Variants in ADARB2 observed in about 807,000 individuals in gnomAD.
ADARB2 encodes inactive double-stranded RNA-specific editase B2.
Under a neutral mutation model 62.2 loss-of-function variants are expected in ADARB2, and 25 were observed. The observed-to-expected ratio is 0.40, with a 90% CI of 0.29 to 0.56. The LOEUF is 0.56. Ranked by LOEUF, ADARB2 falls within the 20% of genes least tolerant of loss-of-function variation. ADARB2 has a pLI of 0.43. For missense variants in ADARB2, 1,071 were observed against 1,077.4 expected (o/e 0.99, Z 0.08); for synonymous variants, 572 against 500.8 (o/e 1.14, Z -1.90).
chr10:1,553,208 G>A (rs1832653397), intron 1 of ADARB2, among the ~76,000 whole-genome samples: 1 of 152,214 alleles, frequency 6.6e-6, no homozygotes, highest in Non-Finnish European at 1.5e-5. Context: ...CACTGTGCTG[G>A]TACAATATAT....
chr10:1,187,114 C>T (rs1233638970), intron 8 of ADARB2, among the ~76,000 whole-genome samples: 20 of 152,248 alleles, frequency 1.3e-4, no homozygotes, highest in Admixed American at 1.3e-3. Flanking sequence ...ATGTGGGACA[C>T]CCAAGCGAAT....
chr10:1,608,716 GA>G (rs1406106496), intron 1 of ADARB2, among the ~76,000 whole-genome samples: 1 of 145,314 alleles, frequency 6.9e-6, no homozygotes, highest in Non-Finnish European at 1.5e-5. Flanking sequence ...AGGAAGGAAG[GA>G]AAGAAAAAAG....
intron 1 of ADARB2, among the ~76,000 whole-genome samples, chr10:1,709,112 C>T (rs920566636): frequency 6.6e-6 from 1 of 152,208 alleles, no homozygotes; most frequent in African/African-American, 2.4e-5. Flanking sequence ...ATTTCCTGCT[C>T]TAGTGCTGAA....
chr10:1,281,810 CT>C, intron 3 of ADARB2, among the ~76,000 whole-genome samples: 1 of 152,312 alleles, frequency 6.6e-6, no homozygotes, highest in South Asian at 2.1e-4. Context: ...CTCTATAATC[CT>C]TTTTTCTTTA....
At chr10:1,569,353 G>A (rs929211186) in intron 1 of ADARB2, among the ~76,000 whole-genome samples, 6 of 152,186 alleles carry the variant, frequency 3.9e-5, no homozygotes, top group African/African-American at 9.7e-5. Flanking sequence ...CTTGCCCATC[G>A]TGTGGCACCA....
At chr10:1,650,264 G>A (rs1834093524) in intron 1 of ADARB2, among the ~76,000 whole-genome samples, 1 of 152,212 alleles carries the variant, frequency 6.6e-6, no homozygotes. Context: ...AGTGTTTCTA[G>A]AAGCTACTTA....
chr10:1,354,738 G>T (rs1832177359), intron 3 of ADARB2, among the ~76,000 whole-genome samples: 1 of 152,198 alleles, frequency 6.6e-6, no homozygotes, highest in Non-Finnish European at 1.5e-5. Context: ...CCTTTCTCTG[G>T]TTCATTTAAA....
At chr10:1,343,239 T>C (rs766588919) in intron 3 of ADARB2, among the ~76,000 whole-genome samples, 5 of 152,194 alleles carry the variant, frequency 3.3e-5, no homozygotes, top group Non-Finnish European at 5.9e-5. Context: ...AAGACATCCA[T>C]GCAGTCAATA....
intron 1 of ADARB2, among the ~76,000 whole-genome samples, chr10:1,716,216 C>G (rs997206456): frequency 1.3e-5 from 2 of 152,190 alleles, no homozygotes; most frequent in South Asian, 4.1e-4. Context: ...CTGCTGAGCT[C>G]CAAAAACACA....
At chr10:1,654,340 C>T (rs1834149479) in intron 1 of ADARB2, among the ~76,000 whole-genome samples, 1 of 152,214 alleles carries the variant, frequency 6.6e-6, no homozygotes, top group Non-Finnish European at 1.5e-5. Flanking sequence ...CCCAAGGCTG[C>T]AGTGTGAGGG....
chr10:1,294,596 G>A (rs1380940336), intron 3 of ADARB2, among the ~76,000 whole-genome samples: 1 of 152,180 alleles, frequency 6.6e-6, no homozygotes, highest in African/African-American at 2.4e-5. Flanking sequence ...CTCCGGCTCT[G>A]ACATGACTGT....
intron 3 of ADARB2, among the ~76,000 whole-genome samples, chr10:1,319,175 C>T (rs963299222): frequency 1.3e-5 from 2 of 152,108 alleles, no homozygotes; most frequent in African/African-American, 4.8e-5. Flanking sequence ...CACAGAGATA[C>T]AGCATATAGT....
intron 1 of ADARB2, among the ~76,000 whole-genome samples, chr10:1,399,546 C>T (rs935137451): frequency 1.3e-5 from 2 of 152,040 alleles, no homozygotes; most frequent in African/African-American, 4.8e-5. Context: ...GCCTGGGGTC[C>T]CTCTGCCTCT....
At chr10:1,267,487 C>T (rs1054972655) in intron 4 of ADARB2, among the ~76,000 whole-genome samples, 2 of 152,170 alleles carry the variant, frequency 1.3e-5, no homozygotes, top group Non-Finnish European at 1.5e-5. Flanking sequence ...GTCTGCAGAG[C>T]ACGTGCCTCG....
intron 1 of ADARB2, among the ~76,000 whole-genome samples, chr10:1,572,611 T>C (rs1318853109): frequency 6.6e-6 from 1 of 152,166 alleles, no homozygotes; most frequent in Non-Finnish European, 1.5e-5. Context: ...GAGTACTGAC[T>C]GGGTAGGATG....
intron 7 of ADARB2, among the ~76,000 whole-genome samples, chr10:1,209,938 A>G (rs1023675454): frequency 2.0e-5 from 3 of 152,246 alleles, no homozygotes; most frequent in African/African-American, 4.8e-5. Context: ...CAAGATTTCT[A>G]TCACACACTT....
rs548280065 is a variant in ADARB2 at position 1,368,991 on chromosome 10, C to T, written c.188-5074G>A. Among the ~76,000 whole-genome samples, 9 of 140,996 alleles carry T rather than the reference C, an allele frequency of 6.4e-5. No individual in the cohort carries two copies. The South Asian group carries it at 2.1e-3, about 33-fold the overall frequency. 92.5% of individuals were successfully genotyped at this position (140,996 alleles called of 152,430 possible). A position where few individuals can be genotyped will look rare whatever the true frequency, so the allele number is the denominator to read the frequency against. On this transcript the variant is annotated intron_variant, in intron 2 of 9. Transcript: ENST00000381312. ...GGTCCTAGGGGAGTGGCGCTCTGGG[C>T]TCTGAGGCTGTTGGAAAATGGAGGA...
At chr10:1,465,067 C>A (rs1466087162) in intron 1 of ADARB2, among the ~76,000 whole-genome samples, 1 of 152,192 alleles carries the variant, frequency 6.6e-6, no homozygotes, top group Non-Finnish European at 1.5e-5. Flanking sequence ...CCCAGCCATG[C>A]CCAGGAAGGA....
intron 1 of ADARB2, among the ~76,000 whole-genome samples, chr10:1,483,873 G>T: frequency 6.6e-6 from 1 of 152,166 alleles, no homozygotes; most frequent in South Asian, 2.1e-4. Flanking sequence ...AATATGACAC[G>T]GAAGTAACTT....
Sources: allele counts gnomAD v4.1 joint callset (sites outside exome capture counted in the v4.1 genomes callset), GRCh38; gene constraint gnomAD v4.1.1; transcripts MANE v1.5; gene names NCBI Gene and HGNC (gene_info 2026-07-23, HGNC 2026-07-21).